ADAMTS17: variants seen among roughly 807,000 people sequenced by gnomAD.
ADAMTS17 encodes the protein ADAM metallopeptidase with thrombospondin type 1 motif 17.
A neutral mutation model predicts 141.5 loss-of-function variants in ADAMTS17; 113 were observed. The observed-to-expected ratio is 0.80, with a 90% confidence interval of 0.69 to 0.93. The LOEUF (loss-of-function observed/expected upper bound fraction) is 0.93, where lower values mean the gene tolerates loss of function less well. Ranked by LOEUF, ADAMTS17 falls within the 40% of genes least tolerant of loss-of-function variation. The pLI, the probability that ADAMTS17 is intolerant of heterozygous loss-of-function variation, is 0.00. For missense variants in ADAMTS17, 1,659 were observed against 1,517.9 expected (o/e 1.09, Z -1.54); for synonymous variants, 768 against 630.6 (o/e 1.22, Z -3.27).
In ADAMTS17 at chr15:100,261,310, G is replaced by C. The variant is rs975757299; in HGVS notation, c.1031+169C>G. On this transcript the variant is annotated intron_variant, in intron 6 of 21. Coordinates refer to ENST00000268070, the MANE Select transcript of ADAMTS17 (RefSeq NM_139057.4). ...GCCCAGGCATCGTACCTACCTCAGAGGTGGATACCACCGTTAACCCCCACT... is the reference window on the plus strand; with the variant it reads ...GCCCAGGCATCGTACCTACCTCAGACGTGGATACCACCGTTAACCCCCACT... Among the ~76,000 whole-genome samples, 6 of 152,298 alleles carry C rather than the reference G, an allele frequency of 3.9e-5. No homozygotes were observed. In the South Asian group the frequency reaches 1.0e-3, roughly 26 times the overall value.
intron 16 of ADAMTS17, among the ~76,000 whole-genome samples, chr15:100,052,861 GCCTTA>G (rs1200810073): frequency 1.3e-5 from 2 of 152,224 alleles, no homozygotes; most frequent in African/African-American, 4.8e-5. Flanking sequence ...CATGAAAACT[GCCTTA>G]CCTTTGTCTC....
At chr15:100,284,434 T>G (rs1362383706) in intron 3 of ADAMTS17, among the ~76,000 whole-genome samples, 2 of 152,330 alleles carry the variant, frequency 1.3e-5, no homozygotes, top group East Asian at 3.9e-4. Context: ...TAATGACACT[T>G]GCTCAACAGC....
At chr15:100,097,211 A>G (rs2035815900) in intron 14 of ADAMTS17, among the ~76,000 whole-genome samples, 1 of 152,218 alleles carries the variant, frequency 6.6e-6, no homozygotes, top group Admixed American at 6.5e-5. Flanking sequence ...AAAATAACCT[A>G]AATTTATACT....
intron 7 of ADAMTS17, among the ~76,000 whole-genome samples, chr15:100,233,371 C>A (rs1340559452): frequency 1.3e-5 from 2 of 151,840 alleles, no homozygotes. Context: ...ACTGAAAAGT[C>A]ATATAAGTCG....
chr15:100,188,289 C>G (rs755022705), intron 8 of ADAMTS17, among the ~76,000 whole-genome samples: 1 of 151,914 alleles, frequency 6.6e-6, no homozygotes. Flanking sequence ...GTTGGTCAGG[C>G]TGGTCTCAAA....
Position 100,082,764 on chromosome 15 carries a change from GTC to G in ADAMTS17, c.2137+13590_2137+13591del, listed in dbSNP as rs1426784593. On this transcript the variant is annotated intron_variant, in intron 15 of 21. Coordinates refer to ENST00000268070, the MANE Select transcript of ADAMTS17 (RefSeq NM_139057.4). Reference sequence around the variant, plus strand: ...TTATTTGAGTTACTTTTTCTCGTTAGTCTTTTTTTTTTTTTTTTCAGTTCATC... The same window carrying G: ...TTATTTGAGTTACTTTTTCTCGTTAGTTTTTTTTTTTTTTTTCAGTTCATC... Among the ~76,000 whole-genome samples the G allele has an allele frequency of 4.5e-5, 4 of 88,884 alleles. No homozygotes were observed. The Admixed American group carries it at 4.5e-4, about 10-fold the overall frequency. The allele number at this position is 88,884 out of a possible 152,430, so 58.3% of individuals were successfully genotyped here.
chr15:100,077,442 A>G (rs1202723462), intron 15 of ADAMTS17, among the ~76,000 whole-genome samples: 2 of 135,180 alleles, frequency 1.5e-5, no homozygotes, highest in Non-Finnish European at 3.2e-5. Context: ...AGCCTGGGCA[A>G]CAGAGTGAGA....
chr15:100,325,883 G>C (rs1386633528), intron 3 of ADAMTS17, among the ~76,000 whole-genome samples: 1 of 152,190 alleles, frequency 6.6e-6, no homozygotes, highest in Non-Finnish European at 1.5e-5. Flanking sequence ...GCCAAGGAGA[G>C]AAGCCTGGAA....
At chr15:100,089,649 G>A (rs1018117432) in intron 15 of ADAMTS17, among the ~76,000 whole-genome samples, 11 of 151,948 alleles carry the variant, frequency 7.2e-5, no homozygotes, top group Admixed American at 3.9e-4. Context: ...ATACTATGCA[G>A]CCATAAAAAA....
intron 15 of ADAMTS17, among the ~76,000 whole-genome samples, chr15:100,066,342 G>A (rs368828686): frequency 1.3e-5 from 2 of 151,662 alleles, no homozygotes; most frequent in East Asian, 1.9e-4. Context: ...CTGTGATCAC[G>A]CTTGTCAGGG....
At chr15:100,228,815 C>T (rs2042388029) in intron 7 of ADAMTS17, among the ~76,000 whole-genome samples, 1 of 152,330 alleles carries the variant, frequency 6.6e-6, no homozygotes, top group Admixed American at 6.5e-5. Context: ...GGCCTGCTCA[C>T]TAGCCCCCCA....
rs557975289 is a variant in ADAMTS17 at position 100,340,444 on chromosome 15, G to T, written c.450+595C>A. Among the ~76,000 whole-genome samples the T allele has an allele frequency of 2.0e-5, 3 of 152,298 alleles. No homozygotes were observed. In the South Asian group the frequency reaches 6.2e-4, roughly 32 times the overall value. On this transcript the variant is annotated intron_variant, in intron 2 of 21. Coordinates refer to ENST00000268070, the MANE Select transcript of ADAMTS17 (RefSeq NM_139057.4). ...GGCACCAGATAAATGCCTACTAATA[G>T]TATAAGGAAGCAAAGACAAACACCC...
At chr15:100,066,171 T>A (rs531443214) in intron 15 of ADAMTS17, among the ~76,000 whole-genome samples, 1 of 152,314 alleles carries the variant, frequency 6.6e-6, no homozygotes, top group East Asian at 1.9e-4. Context: ...TTGTAAACAG[T>A]GCTGCAATAA....
chr15:100,044,338 C>T lies in ADAMTS17; in HGVS notation c.2591+4519G>A, dbSNP rs534220104. ...GATACTATCCCACAGGTAACTGAGTCTTGCTCATTGTCAACAATTTTTTCC... is the reference window on the plus strand; with the variant it reads ...GATACTATCCCACAGGTAACTGAGTTTTGCTCATTGTCAACAATTTTTTCC... On this transcript the variant is annotated intron_variant, in intron 18 of 21. Transcript: ENST00000268070. 1.6e-4 allele frequency among the ~76,000 whole-genome samples: 24 copies of T among 152,348 alleles called. No individual in the cohort carries two copies. The South Asian group carries it at 4.6e-3, about 29-fold the overall frequency.
chr15:100,278,068 A>G (rs2044157945), intron 4 of ADAMTS17, among the ~76,000 whole-genome samples: 1 of 152,210 alleles, frequency 6.6e-6, no homozygotes, highest in African/African-American at 2.4e-5. Flanking sequence ...GCATGATTCC[A>G]CTTATATGAG....
chr15:100,071,597 G>C (rs1268366132), intron 15 of ADAMTS17, among the ~76,000 whole-genome samples: 1 of 150,214 alleles, frequency 6.7e-6, no homozygotes, highest in African/African-American at 2.5e-5. Context: ...TGCAAGGCTG[G>C]TTCAACATAT....
At chr15:100,026,339 C>A (rs1477378068) in intron 18 of ADAMTS17, among the ~76,000 whole-genome samples, 1 of 152,362 alleles carries the variant, frequency 6.6e-6, no homozygotes, top group East Asian at 1.9e-4. Flanking sequence ...ATGACTAGCA[C>A]TGTGCTGAAC....
intron 6 of ADAMTS17, among the ~76,000 whole-genome samples, chr15:100,257,520 G>C (rs984487886): frequency 2.6e-5 from 4 of 152,250 alleles, no homozygotes; most frequent in African/African-American, 7.2e-5. Flanking sequence ...AAATGCAGAA[G>C]AAAGCTCAGG....
chr15:100,306,386 T>A (rs900832630), intron 3 of ADAMTS17: 3 of 428,650 alleles, frequency 7.0e-6, no homozygotes, highest in African/African-American at 4.1e-5. Flanking sequence ...GGAGCCCTGG[T>A]GGCCATAGAA....
Sources: gnomAD v4.1 joint callset for allele counts (sites outside exome capture counted in the v4.1 genomes callset) on GRCh38, gnomAD v4.1.1 for gene constraint, MANE v1.5 for transcripts, NCBI Gene and HGNC (gene_info 2026-07-23, HGNC 2026-07-21) for gene names.